The following IL17REL variants were observed in gnomAD, a reference collection of about 807,000 sequenced individuals.
The protein encoded by IL17REL is interleukin-17 receptor E-like protein.
IL17REL carries 36 observed loss-of-function variants against 49.0 expected under a neutral mutation model. The observed-to-expected ratio is 0.73, with a 90% CI of 0.56 to 0.97. IL17REL has a LOEUF of 0.97. Ranked by LOEUF, IL17REL falls within the 50% of genes least tolerant of loss-of-function variation. The probability of loss-of-function intolerance (pLI) is 0.00; values close to 1 mark genes in which losing one functional copy is unlikely to be tolerated. For synonymous variants in IL17REL, 206 were observed against 192.4 expected, an observed-to-expected ratio of 1.07 and a Z score of -0.58; for missense variants, 470 against 453.9, an observed-to-expected ratio of 1.04 and a Z score of -0.32.
chr22:49,998,209 G>C (rs774981573), exon 8 of IL17REL: 3 of 1,612,274 alleles, frequency 1.9e-6, no homozygotes, highest in Non-Finnish European at 2.5e-6. Context: ...GCCAGCACAG[G>C]CTCACATGGC....
exon 3 of IL17REL, chr22:50,000,767 T>A (rs1391840271): frequency 6.3e-7 from 1 of 1,591,582 alleles, no homozygotes; most frequent in Non-Finnish European, 8.5e-7. Flanking sequence ...CTGCCCCCCC[T>A]GCTGCCGGTG....
chr22:50,002,495 C>CT (rs398040533), intron 1 of IL17REL, among the ~76,000 whole-genome samples: 21,710 of 127,790 alleles, frequency 0.17, 1,937 homozygotes, highest in South Asian at 0.29. Flanking sequence ...CTTTTCTTTT[C>CT]TTTTTTTTTT....
chr22:50,000,812 G>A (rs376895359), exon 3 of IL17REL: 23 of 1,603,240 alleles, frequency 1.4e-5, no homozygotes, highest in South Asian at 3.3e-5. Context: ...CTGACACTGC[G>A]TCTCCTGGGT....
At chr22:49,996,272 C>G (rs1052809341) in exon 13 of IL17REL, 1 of 152,300 alleles carries the variant, frequency 6.6e-6, no homozygotes, top group African/African-American at 2.4e-5. Context: ...GCGGTTCACC[C>G]CACCCGAAGC....
chr22:49,997,991 A>G (rs1277071865), intron 9 of IL17REL, 34 bp downstream of exon 11: 5 of 1,593,376 alleles, frequency 3.1e-6, no homozygotes, highest in East Asian at 2.2e-5. Flanking sequence ...CCCCTCCCCA[A>G]ATAGGGCACT....
chr22:49,998,889 G>A (rs1910030011), intron 7 of IL17REL, among the ~76,000 whole-genome samples: 1 of 152,024 alleles, frequency 6.6e-6, no homozygotes, highest in Non-Finnish European at 1.5e-5. Context: ...CTGTGCATGT[G>A]TGTGTGCATG....
chr22:50,003,330 T>C (rs2061089169), intron 1 of IL17REL, among the ~76,000 whole-genome samples: 1 of 151,904 alleles, frequency 6.6e-6, no homozygotes, highest in African/African-American at 2.4e-5. Context: ...GAGACCAGCC[T>C]GGCCAACATG....
At chr22:50,011,386 G>T (rs2061140694), upstream of IL17REL, among the ~76,000 whole-genome samples, 1 of 151,990 alleles carries the variant, frequency 6.6e-6, no homozygotes, top group Non-Finnish European at 1.5e-5. Context: ...AGCGTGGACA[G>T]CGCGGTCACA....
At chr22:50,010,909 G>C (rs1056948022), upstream of IL17REL, among the ~76,000 whole-genome samples, 5 of 151,882 alleles carry the variant, frequency 3.3e-5, no homozygotes, top group Admixed American at 6.5e-5. Flanking sequence ...CGGCGTCGGG[G>C]GGTGTGCAGG....
chr22:50,006,469 A>T (rs973147505), intron 1 of IL17REL, among the ~76,000 whole-genome samples: 6 of 152,088 alleles, frequency 3.9e-5, no homozygotes, highest in Non-Finnish European at 7.4e-5. Flanking sequence ...GAGAGCCCAG[A>T]GTGACGCTGT....
chr22:50,010,212 A>G (rs1454917403), upstream of IL17REL, among the ~76,000 whole-genome samples: 1 of 152,234 alleles, frequency 6.6e-6, no homozygotes, highest in Admixed American at 6.5e-5. Flanking sequence ...GGCTGGACCC[A>G]GCGTCCTGAT....
chr22:49,997,622 C>T, intron 10 of IL17REL, 63 bp downstream of exon 12: 1 of 1,536,540 alleles, frequency 6.5e-7, no homozygotes, highest in Non-Finnish European at 9.0e-7. Context: ...CTGACCAGCA[C>T]AGAGTGATAT....
chr22:50,010,680 C>A (rs981440741), upstream of IL17REL, among the ~76,000 whole-genome samples: 2 of 152,194 alleles, frequency 1.3e-5, no homozygotes, highest in African/African-American at 4.8e-5. Context: ...CAGGGCTGGC[C>A]CCGTGGCCCG....
chr22:49,999,254 C>T (rs746487946), intron 7 of IL17REL, 37 bp downstream of exon 9: 1 of 1,611,796 alleles, frequency 6.2e-7, no homozygotes, highest in Non-Finnish European at 8.5e-7. Context: ...CGCAGCCATT[C>T]CCACCCTTCC....
At chr22:49,998,390 G>A (rs1311372424) in intron 7 of IL17REL, 81 bp from the exon 10 acceptor site, 1 of 1,372,452 alleles carries the variant, frequency 7.3e-7, no homozygotes, top group Non-Finnish European at 9.8e-7. Context: ...ACCCACTCAA[G>A]TGACCACTGG....
intron 1 of IL17REL, among the ~76,000 whole-genome samples, chr22:50,008,018 C>T (rs1237802625): frequency 2.6e-5 from 4 of 152,020 alleles, no homozygotes; most frequent in Admixed American, 6.5e-5. Context: ...GCAGGAGGAT[C>T]GCTTGAGCCC....
chr22:50,003,677 G>A (rs1002292002), intron 1 of IL17REL, among the ~76,000 whole-genome samples: 3 of 151,892 alleles, frequency 2.0e-5, no homozygotes, highest in Non-Finnish European at 2.9e-5. Flanking sequence ...ATCCATTCCC[G>A]ATTAAAAAGA....
exon 13 of IL17REL, chr22:49,996,727 C>T (rs925115809): frequency 4.4e-5 from 18 of 407,568 alleles, no homozygotes; most frequent in African/African-American, 3.6e-4. Flanking sequence ...GTTCAGTGCA[C>T]GCCACGCCCA....
chr22:49,996,824 G>C (rs2061037609), exon 13 of IL17REL: 2 of 538,596 alleles, frequency 3.7e-6, no homozygotes, highest in Non-Finnish European at 6.6e-6. Flanking sequence ...TTGCAGAGCT[G>C]CTGGGGGACG....
Sources: allele counts gnomAD v4.1 joint callset (sites outside exome capture counted in the v4.1 genomes callset), GRCh38; gene constraint gnomAD v4.1.1; transcripts MANE v1.5; gene names NCBI Gene and HGNC (gene_info 2026-07-23, HGNC 2026-07-21).